The following MAPK10 variants were observed in gnomAD, a reference collection of about 807,000 sequenced individuals.
MAPK10 encodes the protein JNK3 alpha protein kinase.
A neutral mutation model predicts 59.3 loss-of-function variants in MAPK10; 25 were observed. The ratio of observed to expected loss-of-function variants is 0.42; its 90% CI spans 0.31 to 0.59. The LOEUF is 0.59. Among genes scored for constraint, MAPK10 ranks in the 20% least tolerant of loss-of-function variants. MAPK10 has a pLI of 0.15. For synonymous variants in MAPK10, 190 were observed against 200.5 expected, an observed-to-expected ratio of 0.95 and a Z score of 0.44; for missense variants, 351 against 568.9, an observed-to-expected ratio of 0.62 and a Z score of 3.90.
chr4:86,375,184 A>G (rs1739587226), intron 1 of MAPK10, among the ~76,000 whole-genome samples: 1 of 152,136 alleles, frequency 6.6e-6, no homozygotes, highest in African/African-American at 2.4e-5. Context: ...AAATGTGTGC[A>G]CACACACACA....
At chr4:86,242,037 T>TTGG (rs1216126239) in intron 2 of MAPK10, among the ~76,000 whole-genome samples, 7 of 151,884 alleles carry the variant, frequency 4.6e-5, no homozygotes, top group African/African-American at 7.3e-5. Flanking sequence ...TTTGTTGTTG[T>TTGG]TGGTGGTGGT....
intron 2 of MAPK10, among the ~76,000 whole-genome samples, chr4:86,341,917 A>T (rs538528389): frequency 6.6e-6 from 1 of 152,252 alleles, no homozygotes; most frequent in African/African-American, 2.4e-5. Flanking sequence ...CACCATTATT[A>T]GTACCATTTT....
intron 1 of MAPK10, among the ~76,000 whole-genome samples, chr4:86,522,125 G>T (rs1434442303): frequency 6.6e-6 from 1 of 152,130 alleles, no homozygotes; most frequent in Non-Finnish European, 1.5e-5. Context: ...AGATTTTCAG[G>T]TTCCCCAGTG....
intron 1 of MAPK10, among the ~76,000 whole-genome samples, chr4:86,459,164 C>T (rs1056451078): frequency 3.9e-5 from 6 of 152,164 alleles, no homozygotes; most frequent in Non-Finnish European, 5.9e-5. Context: ...TGAAAAAATG[C>T]TCAACATCAC....
At chr4:86,492,796 T>C (rs1419431732) in intron 1 of MAPK10, among the ~76,000 whole-genome samples, 2 of 152,206 alleles carry the variant, frequency 1.3e-5, no homozygotes, top group Non-Finnish European at 2.9e-5. Context: ...GTTTTGCTTT[T>C]GGGTTTGGGA....
At chr4:86,041,988 A>C (rs1446481125) in intron 11 of MAPK10, among the ~76,000 whole-genome samples, 1 of 152,222 alleles carries the variant, frequency 6.6e-6, no homozygotes, top group Non-Finnish European at 1.5e-5. Context: ...AGGATTCTAA[A>C]TTATTCTGTT....
At chr4:86,542,613 A>T (rs2149095773) in intron 1 of MAPK10, 1 of 154,410 alleles carries the variant, frequency 6.5e-6, no homozygotes, top group Non-Finnish European at 1.5e-5. Context: ...TCTCTCTAAA[A>T]AAAAGAAACT....
At chr4:86,250,981 T>C (rs575468666) in intron 2 of MAPK10, among the ~76,000 whole-genome samples, 1 of 152,112 alleles carries the variant, frequency 6.6e-6, no homozygotes, top group South Asian at 2.1e-4. Context: ...TAGCCAATAA[T>C]TTTCTCACTA....
At chr4:86,474,160 A>C (rs990933590) in intron 1 of MAPK10, among the ~76,000 whole-genome samples, 1 of 152,206 alleles carries the variant, frequency 6.6e-6, no homozygotes, top group Non-Finnish European at 1.5e-5. Context: ...AGTTTTATTC[A>C]TCTTTGGATA....
At chr4:86,573,720 A>G (rs1761640791) in intron 1 of MAPK10, among the ~76,000 whole-genome samples, 1 of 152,158 alleles carries the variant, frequency 6.6e-6, no homozygotes, top group African/African-American at 2.4e-5. Flanking sequence ...CATAAACGTG[A>G]TATGTCTCTC....
intron 1 of MAPK10, among the ~76,000 whole-genome samples, chr4:86,387,436 A>G (rs900738459): frequency 6.6e-6 from 1 of 152,232 alleles, no homozygotes; most frequent in Admixed American, 6.5e-5. Flanking sequence ...CTTTTATAAT[A>G]AACAACTATT....
chr4:86,101,443 C>T (rs1361982615), intron 7 of MAPK10: 3 of 473,106 alleles, frequency 6.3e-6, no homozygotes, highest in African/African-American at 3.9e-5. Flanking sequence ...ACAATTTACA[C>T]TAATCTTGGG....
intron 4 of MAPK10, among the ~76,000 whole-genome samples, chr4:86,156,230 T>C (rs761208355): frequency 2.0e-5 from 3 of 152,088 alleles, no homozygotes; most frequent in Non-Finnish European, 4.4e-5. Context: ...CTTATAACTA[T>C]GATTATTTCA....
intron 9 of MAPK10, among the ~76,000 whole-genome samples, chr4:86,097,608 A>G (rs562591357): frequency 2.6e-5 from 4 of 152,182 alleles, no homozygotes; most frequent in Admixed American, 2.6e-4. Context: ...AAAGTTGTCA[A>G]TGGTGATTGT....
chr4:86,314,985 T>G (rs565391667), intron 2 of MAPK10, among the ~76,000 whole-genome samples: 1 of 144,496 alleles, frequency 6.9e-6, no homozygotes, highest in South Asian at 2.1e-4. Flanking sequence ...TTAAATGTTT[T>G]TAATGTTTAA....
chr4:86,135,024 C>T (rs963504551), intron 4 of MAPK10, among the ~76,000 whole-genome samples: 5 of 152,308 alleles, frequency 3.3e-5, no homozygotes, highest in Middle Eastern at 6.8e-3. Context: ...GCACGTGGCT[C>T]GGAGGGTCCT....
chr4:86,197,118 A>G (rs143318560), intron 2 of MAPK10, among the ~76,000 whole-genome samples: 12,932 of 152,144 alleles, frequency 0.085, 1,217 homozygotes, highest in African/African-American at 0.23. Flanking sequence ...TAGCTTGATG[A>G]GGATAGCATT....
At chr4:86,265,794 T>C (rs2094209836) in intron 2 of MAPK10, among the ~76,000 whole-genome samples, 1 of 152,272 alleles carries the variant, frequency 6.6e-6, no homozygotes, top group Middle Eastern at 3.4e-3. Flanking sequence ...CTACTTTTAA[T>C]AAGTTTTTTT....
chr4:86,195,005 A>T (rs896356273), intron 2 of MAPK10, among the ~76,000 whole-genome samples: 1 of 152,150 alleles, frequency 6.6e-6, no homozygotes, highest in Non-Finnish European at 1.5e-5. Flanking sequence ...AGTAAATATA[A>T]TTGTGGAGTA....
Sources: allele counts gnomAD v4.1 joint callset (sites outside exome capture counted in the v4.1 genomes callset), GRCh38; gene constraint gnomAD v4.1.1; transcripts MANE v1.5; gene names NCBI Gene and HGNC (gene_info 2026-07-23, HGNC 2026-07-21).